CIMIP2C: variants seen among roughly 807,000 people sequenced by gnomAD.
The protein encoded by CIMIP2C is ciliary microtubule inner protein 2C, also known as UPF0573 protein C2orf70.
the CIMIP2C span, among the ~76,000 whole-genome samples, chr2:26,573,706 A>G: frequency 0.012 from 1,871 of 152,296 alleles, 21 homozygotes; most frequent in Non-Finnish European, 0.02. Flanking sequence ...GGTGGTGGAG[A>G]AGAGTCAGGA....
chr2:26,579,180 A>C, the CIMIP2C span: 1 of 1,266,100 alleles, frequency 7.9e-7, no homozygotes, highest in Non-Finnish European at 1.1e-6. Context: ...TAAACTGACG[A>C]GTAGCCGGCA....
At chr2:26,576,648 G>T in the CIMIP2C span, among the ~76,000 whole-genome samples, 1 of 152,182 alleles carries the variant, frequency 6.6e-6, no homozygotes. Flanking sequence ...GTGTCCTGGA[G>T]CCTGCTCACC....
At chr2:26,565,662 C>G in the CIMIP2C span, among the ~76,000 whole-genome samples, 2 of 152,134 alleles carry the variant, frequency 1.3e-5, no homozygotes, top group African/African-American at 4.8e-5. Flanking sequence ...TACTTATCCC[C>G]CCTGCCTCAC....
At chr2:26,576,523 A>G in the CIMIP2C span, among the ~76,000 whole-genome samples, 3,782 of 152,172 alleles carry the variant, frequency 0.025, 132 homozygotes, top group African/African-American at 0.08. Context: ...GGAATGCCAT[A>G]TATTTTGTAG....
At chr2:26,563,066 C>A in the CIMIP2C span, 1 of 247,808 alleles carries the variant, frequency 4.0e-6, no homozygotes, top group Non-Finnish European at 7.7e-6. Flanking sequence ...AAAATCAGGC[C>A]CTTCCGTCCG....
chr2:26,564,614 C>A, the CIMIP2C span, among the ~76,000 whole-genome samples: 2 of 152,222 alleles, frequency 1.3e-5, no homozygotes, highest in Non-Finnish European at 2.9e-5. Context: ...TTTTGTGTTT[C>A]CAAATGCTAC....
the CIMIP2C span, chr2:26,579,285 C>T: frequency 1.2e-6 from 2 of 1,613,584 alleles, no homozygotes; most frequent in African/African-American, 1.3e-5. Flanking sequence ...GTCCCATCCT[C>T]ACCCCTAGGC....
chr2:26,578,823 A>G, the CIMIP2C span: 2 of 471,192 alleles, frequency 4.2e-6, no homozygotes, highest in Non-Finnish European at 8.8e-6. Context: ...CAACGAACGC[A>G]AAGGGCCAAC....
At chr2:26,573,533 C>T in the CIMIP2C span, among the ~76,000 whole-genome samples, 6 of 147,496 alleles carry the variant, frequency 4.1e-5, no homozygotes, top group Non-Finnish European at 8.8e-5. Context: ...CCAGGAGTGG[C>T]GCCCAGGCCG....
chr2:26,579,282 C>T, the CIMIP2C span: 1 of 1,613,548 alleles, frequency 6.2e-7, no homozygotes, highest in Non-Finnish European at 8.5e-7. Flanking sequence ...CCAGTCCCAT[C>T]CTCACCCCTA....
At chr2:26,568,399 C>T in the CIMIP2C span, among the ~76,000 whole-genome samples, 8 of 152,322 alleles carry the variant, frequency 5.3e-5, no homozygotes, top group South Asian at 1.4e-3. Context: ...CCTATCTCTT[C>T]CCTGGAATTC....
chr2:26,569,630 G>A, the CIMIP2C span, among the ~76,000 whole-genome samples: 3 of 152,170 alleles, frequency 2.0e-5, no homozygotes, highest in African/African-American at 7.2e-5. Flanking sequence ...GTGCTATTAA[G>A]AGTCAGGGAA....
At chr2:26,568,793 G>T in the CIMIP2C span, among the ~76,000 whole-genome samples, 1 of 152,156 alleles carries the variant, frequency 6.6e-6, no homozygotes, top group Non-Finnish European at 1.5e-5. Flanking sequence ...GGCCGGGGCA[G>T]GTGGATTACC....
At chr2:26,567,585 G>A in the CIMIP2C span, among the ~76,000 whole-genome samples, 2 of 152,178 alleles carry the variant, frequency 1.3e-5, no homozygotes, top group African/African-American at 4.8e-5. Context: ...GGCCAGGCTT[G>A]GGAAGGGAGG....
chr2:26,573,153 G>T, the CIMIP2C span, among the ~76,000 whole-genome samples: 3 of 152,190 alleles, frequency 2.0e-5, no homozygotes, highest in Non-Finnish European at 4.4e-5. Context: ...CGTTTCAATG[G>T]TGGGTCTGAA....
the CIMIP2C span, among the ~76,000 whole-genome samples, chr2:26,570,385 A>G: frequency 2.6e-5 from 4 of 152,324 alleles, no homozygotes; most frequent in South Asian, 8.3e-4. Context: ...GTGCCCCCAG[A>G]GTTTCTGGAA....
the CIMIP2C span, among the ~76,000 whole-genome samples, chr2:26,575,024 C>T: frequency 6.6e-6 from 1 of 152,238 alleles, no homozygotes; most frequent in Non-Finnish European, 1.5e-5. Context: ...TTGACTCTCC[C>T]TTGCTTTGTT....
the CIMIP2C span, among the ~76,000 whole-genome samples, chr2:26,573,461 G>A: frequency 4.6e-5 from 7 of 152,214 alleles, no homozygotes; most frequent in African/African-American, 1.7e-4. Flanking sequence ...GGCTGAGAGA[G>A]ACAGGGAGGA....
the CIMIP2C span, chr2:26,579,322 C>T: frequency 1.9e-6 from 3 of 1,613,980 alleles, no homozygotes; most frequent in African/African-American, 1.3e-5. Context: ...GAAGAAGTGG[C>T]ACCTTTTAAG....
Sources: allele counts gnomAD v4.1 joint callset (sites outside exome capture counted in the v4.1 genomes callset), GRCh38; gene constraint gnomAD v4.1.1; transcripts MANE v1.5; gene names NCBI Gene and HGNC (gene_info 2026-07-23, HGNC 2026-07-21).